RPA2: variants seen among roughly 807,000 people sequenced by gnomAD.
The protein encoded by RPA2 is replication protein A2.
RPA2 carries 22 observed loss-of-function variants against 33.4 expected under a neutral mutation model. The observed-to-expected ratio is 0.66, with a 90% CI of 0.47 to 0.94. The LOEUF is 0.94. RPA2 is among the 40% of genes least tolerant of loss of function. The pLI, the probability that RPA2 is intolerant of heterozygous loss-of-function variation, is 0.00. For missense variants in RPA2, 279 were observed against 329.9 expected, an observed-to-expected ratio of 0.85 and a Z score of 1.19; for synonymous variants, 109 against 114.9, an observed-to-expected ratio of 0.95 and a Z score of 0.33.
In RPA2 at chr1:27,893,615, T is replaced by C. The variant is rs768947697; in HGVS notation, c.728+397A>G. On this transcript the variant is annotated intron_variant, in intron 8 of 8. Coordinates refer to ENST00000373912, the MANE Select transcript of RPA2 (RefSeq NM_002946.5). ...CATGAGCTAATGCCTGGCGAACTTT[T>C]ACTTTTTTTTGAGATGGAATCTCGC... 3.3e-5 allele frequency among the ~76,000 whole-genome samples: 5 copies of C among 151,960 alleles called. No homozygotes were observed. The Middle Eastern group carries it at 0.014, about 413-fold the overall frequency.
chr1:27,907,638 TG>T (rs2090045998), intron 2 of RPA2, among the ~76,000 whole-genome samples: 1 of 152,124 alleles, frequency 6.6e-6, no homozygotes. Context: ...GTAGACAGGC[TG>T]GTGCTGCTGT....
chr1:27,913,772 A>G (rs1362394381), intron 2 of RPA2, among the ~76,000 whole-genome samples: 1 of 152,112 alleles, frequency 6.6e-6, no homozygotes, highest in Non-Finnish European at 1.5e-5. Context: ...ATAAAAATAA[A>G]TTTAAAAACC....
chr1:27,911,334 T>C (rs1401365321), intron 2 of RPA2, among the ~76,000 whole-genome samples: 3 of 152,198 alleles, frequency 2.0e-5, no homozygotes, highest in South Asian at 2.1e-4. Flanking sequence ...GAGACCAGCC[T>C]GGGCAACATA....
chr1:27,892,457 A>G (rs1404036934), intron 8 of RPA2, among the ~76,000 whole-genome samples: 1 of 152,216 alleles, frequency 6.6e-6, no homozygotes, highest in East Asian at 1.9e-4. Flanking sequence ...GACAATGGCT[A>G]TTAGGGCTGT....
At chr1:27,893,939 A>G (rs1396149246) in intron 8 of RPA2, 73 bp downstream of exon 8, 2 of 1,306,060 alleles carry the variant, frequency 1.5e-6, no homozygotes, top group African/African-American at 1.5e-5. Flanking sequence ...CCCACTTCTC[A>G]CTATCAGGAA....
chr1:27,913,877 G>A (rs1222180192), intron 2 of RPA2, among the ~76,000 whole-genome samples, 186 bp downstream of exon 2: 1 of 152,128 alleles, frequency 6.6e-6, no homozygotes, highest in African/African-American at 2.4e-5. Flanking sequence ...AACAGGAGGT[G>A]GAAAATTTGG....
At chr1:27,910,397 T>G (rs1251986158) in intron 2 of RPA2, among the ~76,000 whole-genome samples, 1 of 152,216 alleles carries the variant, frequency 6.6e-6, no homozygotes, top group Non-Finnish European at 1.5e-5. Context: ...CAAATTCATC[T>G]CAAATCAAGT....
chr1:27,894,846 A>G (rs1422234755), intron 6 of RPA2, among the ~76,000 whole-genome samples: 2 of 152,046 alleles, frequency 1.3e-5, no homozygotes, highest in African/African-American at 4.8e-5. Flanking sequence ...ATGCTCTGCA[A>G]TCACTATTTT....
At chr1:27,901,682 AAAAC>A (rs776728784) in intron 4 of RPA2, among the ~76,000 whole-genome samples, 4 of 152,160 alleles carry the variant, frequency 2.6e-5, no homozygotes, top group Admixed American at 1.3e-4. Context: ...TTTTTTAACT[AAAAC>A]AAACAAACAA....
chr1:27,897,026 T>C lies in RPA2; in HGVS notation c.504A>G (p.Val168=), dbSNP rs373943904. 9.3e-6 allele frequency: 15 copies of C among 1,612,902 alleles called. No individual in the cohort carries two copies. In the East Asian group the frequency reaches 2.0e-4, roughly 22 times the overall value. The part of the protein sequence containing the change: ...HILEVINAHM[V]LSKANSQPSA... ...TCACCTGGCTGTTGGCTTTGCTTAG[T>C]ACCATGTGTGCATTGATCACTTCCA... is the stretch of plus-strand genomic sequence containing the variant. The change falls in exon 6 of 9, where the codon GTA becomes GTG. Residue 168 remains valine, a synonymous_variant. Transcript: ENST00000373912.
At chr1:27,909,201 T>C (rs2090067874) in intron 2 of RPA2, among the ~76,000 whole-genome samples, 2 of 152,218 alleles carry the variant, frequency 1.3e-5, no homozygotes, top group Admixed American at 1.3e-4. Context: ...CTGTACTACA[T>C]GGAAGACTTA....
At chr1:27,894,507 T>C in intron 6 of RPA2, 110 bp from the exon 7 acceptor site, 1 of 800,598 alleles carries the variant, frequency 1.2e-6, no homozygotes, top group Non-Finnish European at 2.0e-6. Context: ...ATAAACAGTT[T>C]CCCAGTTTAT....
intron 4 of RPA2, among the ~76,000 whole-genome samples, chr1:27,898,114 A>G (rs2089916063): frequency 1.3e-5 from 2 of 151,968 alleles, no homozygotes; most frequent in African/African-American, 4.8e-5. Context: ...CTCCTGCCTC[A>G]ACTTCCCCAG....
chr1:27,905,113 T>C (rs2090012292), intron 4 of RPA2, among the ~76,000 whole-genome samples: 1 of 152,228 alleles, frequency 6.6e-6, no homozygotes, highest in Non-Finnish European at 1.5e-5. Context: ...CTTATATATA[T>C]GCTGCTTTGT....
chr1:27,914,626 C>A (rs763322214), upstream of RPA2: 1 of 1,613,896 alleles, frequency 6.2e-7, no homozygotes, highest in Admixed American at 1.7e-5. Context: ...TCGGTGCTCA[C>A]GGATGCTACG....
intron 4 of RPA2, among the ~76,000 whole-genome samples, chr1:27,906,533 T>C (rs1317364294): frequency 2.0e-5 from 3 of 147,528 alleles, no homozygotes; most frequent in East Asian, 4.1e-4. Context: ...CTAGTAAAAA[T>C]ACAAAAATTA....
At chr1:27,906,608 G>A (rs2090031458) in intron 4 of RPA2, among the ~76,000 whole-genome samples, 1 of 152,146 alleles carries the variant, frequency 6.6e-6, no homozygotes, top group African/African-American at 2.4e-5. Flanking sequence ...AGGATCGCTT[G>A]AGCCCGGGAT....
intron 6 of RPA2, among the ~76,000 whole-genome samples, chr1:27,894,876 C>G (rs1307062167): frequency 6.6e-6 from 1 of 152,162 alleles, no homozygotes; most frequent in Admixed American, 6.6e-5. Context: ...TCTCCCCAGT[C>G]ACTCCTCAGC....
intron 2 of RPA2, among the ~76,000 whole-genome samples, chr1:27,913,659 G>C (rs962465795): frequency 6.6e-6 from 1 of 151,940 alleles, no homozygotes; most frequent in African/African-American, 2.4e-5. Flanking sequence ...GCTCACACCT[G>C]TTACCCCAGC....
Sources: gnomAD v4.1 joint callset for allele counts (sites outside exome capture counted in the v4.1 genomes callset) on GRCh38, gnomAD v4.1.1 for gene constraint, MANE v1.5 for transcripts, NCBI Gene and HGNC (gene_info 2026-07-23, HGNC 2026-07-21) for gene names.